Variants in CACUL1 observed in about 807,000 individuals in gnomAD.
The protein encoded by CACUL1 is CDK2 associated cullin domain 1.
A neutral mutation model predicts 45.2 loss-of-function variants in CACUL1; 13 were observed. That is an observed-to-expected ratio of 0.29 (90% confidence interval 0.19 to 0.46). The LOEUF (loss-of-function observed/expected upper bound fraction) is 0.46. CACUL1 is among the 20% of genes least tolerant of loss of function. The probability of loss-of-function intolerance (pLI) is 1.00; values close to 1 mark genes in which losing one functional copy is unlikely to be tolerated. For missense variants in CACUL1, 421 were observed against 471.4 expected (o/e 0.89, Z 0.99); for synonymous variants, 197 against 174.2 (o/e 1.13, Z -1.03).
At chr10:118,717,850 G>A (rs988688102) in intron 3 of CACUL1, among the ~76,000 whole-genome samples, 1 of 152,176 alleles carries the variant, frequency 6.6e-6, no homozygotes, top group South Asian at 2.1e-4. Flanking sequence ...AAAGAAATCT[G>A]AGAGGCCATC....
chr10:118,698,664 T>A (rs996303443), intron 5 of CACUL1, among the ~76,000 whole-genome samples: 5 of 151,968 alleles, frequency 3.3e-5, no homozygotes, highest in Non-Finnish European at 4.4e-5. Flanking sequence ...CGTGAATGAG[T>A]CACACTGAAA....
intron 3 of CACUL1, among the ~76,000 whole-genome samples, chr10:118,728,948 A>G (rs1163438299): frequency 6.6e-6 from 1 of 152,234 alleles, no homozygotes; most frequent in Non-Finnish European, 1.5e-5. Flanking sequence ...TACGAGTTCC[A>G]AAACAAGTTA....
chr10:118,685,242 A>C lies in CACUL1; in HGVS notation c.*886T>G, dbSNP rs1343467320. The C allele has an allele frequency of 1.3e-5, 2 of 152,600 alleles. No homozygotes were observed. The highest frequency in any genetic ancestry group is 1.3e-4 in the Admixed American group (2 of 15,270). The allele number at this position is 152,600 out of a possible 1,614,324, so 9.5% of individuals were successfully genotyped here. Reference sequence around the variant, plus strand: ...GTGCTAAAGTACCGCCCATCCCTAAACTAGAGTACTGCCAATACTATAGCA... The same window carrying C: ...GTGCTAAAGTACCGCCCATCCCTAACCTAGAGTACTGCCAATACTATAGCA... On this transcript the variant is annotated 3_prime_UTR_variant, in exon 9 of 9. Transcript: ENST00000369151.
chr10:118,702,461 G>A (rs1296339225), intron 4 of CACUL1, among the ~76,000 whole-genome samples: 1 of 151,920 alleles, frequency 6.6e-6, no homozygotes, highest in Non-Finnish European at 1.5e-5. Flanking sequence ...CCTTATTTCT[G>A]GAGTTTTATT....
rs1845138473 is a variant in CACUL1 at position 118,680,044 on chromosome 10, G to C, written c.*6084C>G. The C allele has an allele frequency of 6.6e-6, 1 of 151,806 alleles. No individual in the cohort carries two copies. The highest frequency in any genetic ancestry group is 2.4e-5 in the African/African-American group (1 of 41,304). The allele number at this position is 151,806 out of a possible 1,614,324, so 9.4% of individuals were successfully genotyped here. On this transcript the variant is annotated 3_prime_UTR_variant, in exon 9 of 9. Coordinates refer to ENST00000369151, the MANE Select transcript of CACUL1 (RefSeq NM_153810.5). ...TGGCTTAACAATTTAGGGAGGGAGA[G>C]GGCTTAATAAAGGAAAACAGATTAA...
At chr10:118,708,530 C>T (rs1269688109) in intron 3 of CACUL1, among the ~76,000 whole-genome samples, 5 of 152,132 alleles carry the variant, frequency 3.3e-5, no homozygotes, top group African/African-American at 1.2e-4. Context: ...AGAGAGAACA[C>T]TACCAACTTT....
chr10:118,690,297 G>C, intron 7 of CACUL1, among the ~76,000 whole-genome samples: 1 of 99,338 alleles, frequency 1.0e-5, no homozygotes, highest in African/African-American at 4.2e-5. Context: ...GACAGAGCGA[G>C]ACTCCGTCTC....
chr10:118,749,141 A>AAAATAT (rs1845872115), intron 1 of CACUL1, among the ~76,000 whole-genome samples: 1 of 152,218 alleles, frequency 6.6e-6, no homozygotes, highest in Non-Finnish European at 1.5e-5. Flanking sequence ...TTACTGAAAA[A>AAAATAT]AATGCTGTGG....
intron 1 of CACUL1, among the ~76,000 whole-genome samples, chr10:118,751,767 T>G (rs1381522219): frequency 6.6e-6 from 1 of 152,238 alleles, no homozygotes; most frequent in Non-Finnish European, 1.5e-5. Flanking sequence ...AAACTGAATT[T>G]ATAAATTGGA....
At chr10:118,719,326 G>C (rs1223780411) in intron 3 of CACUL1, among the ~76,000 whole-genome samples, 1 of 152,056 alleles carries the variant, frequency 6.6e-6, no homozygotes, top group Non-Finnish European at 1.5e-5. Flanking sequence ...CAATCAAATT[G>C]GTCATTTCTT....
At chr10:118,693,398 G>T (rs1311353300) in intron 6 of CACUL1, 1 of 161,596 alleles carries the variant, frequency 6.2e-6, no homozygotes, top group Non-Finnish European at 1.4e-5. Context: ...CAGAAAATGT[G>T]CAGGGCAGCA....
chr10:118,754,565 G>C lies in CACUL1; in HGVS notation c.198C>G (p.Asp66Glu). The C allele has an allele frequency of 3.1e-6, 5 of 1,611,288 alleles. No homozygotes were observed. The highest frequency in any genetic ancestry group is 4.2e-6 in the Non-Finnish European group (5 of 1,179,002). Residue 66 changes from aspartate to glutamate, a missense_variant, in exon 1 of 9, where the codon GAC becomes GAG. Coordinates refer to ENST00000369151, the MANE Select transcript of CACUL1 (RefSeq NM_153810.5). Reference sequence around the variant, plus strand: ...GGAGCCCCTCCTTGGGGCCTTTCCTGTCCACGGAGACCGCGGGCACCGCCA... The same window carrying C: ...GGAGCCCCTCCTTGGGGCCTTTCCTCTCCACGGAGACCGCGGGCACCGCCA... Reference protein sequence around the residue: ...QLLAVPAVSVDRKGPKEGLPM... With the variant: ...QLLAVPAVSVERKGPKEGLPM...
At chr10:118,731,159 C>T (rs1845694322) in intron 1 of CACUL1, among the ~76,000 whole-genome samples, 1 of 152,080 alleles carries the variant, frequency 6.6e-6, no homozygotes, top group South Asian at 2.1e-4. Flanking sequence ...CTTCACGGCA[C>T]TGAAATGTTA....
In CACUL1 at chr10:118,729,289, C is replaced by T. The variant is rs761702600; in HGVS notation, c.597+6G>A. 14 of 1,605,920 alleles carry T rather than the reference C, an allele frequency of 8.7e-6. No individual in the cohort carries two copies. The highest frequency in any genetic ancestry group is 1.2e-5 in the Non-Finnish European group (14 of 1,173,330). On this transcript the variant is annotated splice_donor_region_variant and intron_variant, in intron 3 of 8. Coordinates refer to ENST00000369151, the MANE Select transcript of CACUL1 (RefSeq NM_153810.5). ...GAAGCAAAAATCAATACAATCAGTT[C>T]TTTACCTGCAGCTCCTTTGAGACTC...
At chr10:118,701,162 C>G in intron 5 of CACUL1, 144 bp downstream of exon 5, 2 of 459,460 alleles carry the variant, frequency 4.4e-6, no homozygotes, top group Non-Finnish European at 7.8e-6. Flanking sequence ...TGCAGTGTCT[C>G]AGGTGGGCTT....
chr10:118,742,562 C>A (rs1451234634), intron 1 of CACUL1, among the ~76,000 whole-genome samples: 1 of 152,148 alleles, frequency 6.6e-6, no homozygotes, highest in Non-Finnish European at 1.5e-5. Flanking sequence ...GGAACAGAGG[C>A]TCACTCCTGT....
At chr10:118,699,006 C>T (rs985515997) in intron 5 of CACUL1, among the ~76,000 whole-genome samples, 1 of 152,152 alleles carries the variant, frequency 6.6e-6, no homozygotes, top group Non-Finnish European at 1.5e-5. Flanking sequence ...TAAACTTTAA[C>T]CTCTCTTTGT....
chr10:118,724,272 T>A (rs1589613228), intron 3 of CACUL1, among the ~76,000 whole-genome samples: 1 of 152,196 alleles, frequency 6.6e-6, no homozygotes, highest in East Asian at 1.9e-4. Context: ...AATAAATAGG[T>A]GACCCCAGTA....
chr10:118,697,123 A>C (rs1035761949), intron 5 of CACUL1, among the ~76,000 whole-genome samples: 8 of 152,242 alleles, frequency 5.3e-5, no homozygotes, highest in Admixed American at 3.3e-4. Flanking sequence ...CCTTTTAAGG[A>C]AAAAGAAATG....
Sources: gnomAD v4.1 joint callset for allele counts (sites outside exome capture counted in the v4.1 genomes callset) on GRCh38, gnomAD v4.1.1 for gene constraint, MANE v1.5 for transcripts, NCBI Gene and HGNC (gene_info 2026-07-23, HGNC 2026-07-21) for gene names.